Variants in PCDHGA8 observed in about 807,000 individuals in gnomAD.
PCDHGA8 encodes protocadherin gamma subfamily A, 8.
A neutral mutation model predicts 59.2 loss-of-function variants in PCDHGA8; 45 were observed. That is an observed-to-expected ratio of 0.76 (90% CI 0.60 to 0.98). The LOEUF is 0.98. Ranked by LOEUF, PCDHGA8 falls within the 50% of genes least tolerant of loss-of-function variation. PCDHGA8 has a pLI of 0.00. For missense variants in PCDHGA8, 1,257 were observed against 1,196.2 expected, an observed-to-expected ratio of 1.05 and a Z score of -0.75; for synonymous variants, 531 against 519.0, an observed-to-expected ratio of 1.02 and a Z score of -0.32.
chr5:141,510,239 C>T (rs2099880022), intron 3 of PCDHGA8, among the ~76,000 whole-genome samples: 1 of 150,434 alleles, frequency 6.6e-6, no homozygotes, highest in Non-Finnish European at 1.5e-5. Flanking sequence ...CGCCACTGCA[C>T]TCCAGGCTGG....
Position 141,421,056 on chromosome 5 carries a change from A to G in PCDHGA8, c.2424+25819A>G, listed in dbSNP as rs1378326708. On this transcript the variant is annotated intron_variant, in intron 1 of 3. Coordinates refer to ENST00000398604, the MANE Select transcript of PCDHGA8 (RefSeq NM_032088.2). ...TCCCTCCCTCCCCCGCCTCTACCACACAAAGCGGAATGAGATGGATACTCA... is the reference window on the plus strand; with the variant it reads ...TCCCTCCCTCCCCCGCCTCTACCACGCAAAGCGGAATGAGATGGATACTCA... 5 of 576,490 alleles carry G rather than the reference A, an allele frequency of 8.7e-6. No individual in the cohort carries two copies. In the East Asian group the frequency reaches 9.2e-5, roughly 11 times the overall value. The allele number at this position is 576,490 out of a possible 1,614,324, so 35.7% of individuals were successfully genotyped here. A position where few individuals can be genotyped will look rare whatever the true frequency, so the allele number is the denominator to read the frequency against.
At chr5:141,409,262 G>A (rs768196825) in intron 1 of PCDHGA8, 2 of 1,613,834 alleles carry the variant, frequency 1.2e-6, no homozygotes, top group African/African-American at 2.7e-5. Flanking sequence ...TTCTCTCTCT[G>A]ATCAGATTTT....
chr5:141,486,506 A>C lies in PCDHGA8; in HGVS notation c.2425-8301A>C. The C allele has an allele frequency of 6.2e-7, 1 of 1,614,134 alleles. No individual in the cohort carries two copies. The highest frequency in any genetic ancestry group is 8.5e-7 in the Non-Finnish European group (1 of 1,180,006). Reference sequence around the variant, plus strand: ...TACCCACAGAACTATTTTCCTCAATATTTCAGATGTGAATGATAATCCACC... The same window carrying C: ...TACCCACAGAACTATTTTCCTCAATCTTTCAGATGTGAATGATAATCCACC... On this transcript the variant is annotated intron_variant, in intron 1 of 3. Transcript: ENST00000398604. The surrounding 1 kb of genome is among the most constrained non-coding windows in gnomAD (Gnocchi z 5.0).
At position 141,408,409 on chromosome 5, in the gene PCDHGA8, C is replaced by G. The variant is rs780778580; in HGVS notation, c.2424+13172C>G. On this transcript the variant is annotated intron_variant, in intron 1 of 3. Coordinates refer to ENST00000398604, the MANE Select transcript of PCDHGA8 (RefSeq NM_032088.2). ...TGTCGGCTCGCAAGCTGCGAGTGAGCGCGGAGAAGCTGCACTTCAGCGTAG... is the reference window on the plus strand; with the variant it reads ...TGTCGGCTCGCAAGCTGCGAGTGAGGGCGGAGAAGCTGCACTTCAGCGTAG... 3.1e-6 allele frequency: 5 copies of G among 1,613,884 alleles called. No individual in the cohort carries two copies. In the East Asian group the frequency reaches 1.1e-4, roughly 36 times the overall value.
Position 141,487,421 on chromosome 5 carries a change from C to T in PCDHGA8, c.2425-7386C>T. ...GGGGCTTCCCCCTTCCAATGGGATC[C>T]TCCGAATCCAGCTAGGGTCAGATGA... On this transcript the variant is annotated intron_variant, in intron 1 of 3. Coordinates refer to ENST00000398604, the MANE Select transcript of PCDHGA8 (RefSeq NM_032088.2). This position sits in a 1 kb window ranked among gnomAD's most constrained non-coding sequence, Gnocchi z 5.0. The T allele has an allele frequency of 6.2e-7, 1 of 1,614,144 alleles. No homozygotes were observed. The highest frequency in any genetic ancestry group is 1.1e-5 in the South Asian group (1 of 91,082).
intron 1 of PCDHGA8, chr5:141,420,925 G>A: frequency 2.8e-6 from 1 of 355,536 alleles, no homozygotes; most frequent in Non-Finnish European, 5.1e-6. Context: ...TCACAAAGGT[G>A]AGCGTAATCA....
chr5:141,485,380 G>A lies in PCDHGA8; in HGVS notation c.2425-9427G>A. The A allele has an allele frequency of 1.9e-6, 3 of 1,614,146 alleles. No individual in the cohort carries two copies. The highest frequency in any genetic ancestry group is 2.5e-6 in the Non-Finnish European group (3 of 1,180,032). On this transcript the variant is annotated intron_variant, in intron 1 of 3. Coordinates refer to ENST00000398604, the MANE Select transcript of PCDHGA8 (RefSeq NM_032088.2). This position sits in a 1 kb window ranked among gnomAD's most constrained non-coding sequence, Gnocchi z 5.7. ...CTCGCAGGCTGCAGGTCGCTGGAGA[G>A]GTGAACCAAAGACACTTCCGTGTGG... is the stretch of plus-strand genomic sequence containing the variant.
chr5:141,450,826 A>ATTTTT (rs764729742), intron 1 of PCDHGA8, among the ~76,000 whole-genome samples: 2 of 134,302 alleles, frequency 1.5e-5, no homozygotes, highest in African/African-American at 2.9e-5. Flanking sequence ...TATTATTATT[A>ATTTTT]TTATTTTTTT....
At chr5:141,422,959 C>G in intron 1 of PCDHGA8, 1 of 1,614,234 alleles carries the variant, frequency 6.2e-7, no homozygotes, top group Non-Finnish European at 8.5e-7. Flanking sequence ...TGGCGTGGAG[C>G]TGGCGCCCCG....
intron 2 of PCDHGA8, among the ~76,000 whole-genome samples, chr5:141,499,234 A>G (rs1294400331): frequency 6.6e-6 from 1 of 152,008 alleles, no homozygotes; most frequent in Non-Finnish European, 1.5e-5. Flanking sequence ...AGCTGTCCCC[A>G]GCCTCTGCAC....
intron 1 of PCDHGA8, chr5:141,430,541 C>T: frequency 2.5e-6 from 1 of 392,344 alleles, no homozygotes; most frequent in Non-Finnish European, 4.5e-6. Flanking sequence ...ACTCTGAGCG[C>T]CGCTGTTCAC....
At chr5:141,412,273 C>T (rs1007252273) in intron 1 of PCDHGA8, 4 of 152,206 alleles carry the variant, frequency 2.6e-5, no homozygotes, top group Admixed American at 6.5e-5. Flanking sequence ...ACTTTTAGTA[C>T]TTCAAATTCT....
chr5:141,423,358 G>T (rs202010010), intron 1 of PCDHGA8: 1 of 1,614,196 alleles, frequency 6.2e-7, no homozygotes, highest in South Asian at 1.1e-5. Flanking sequence ...CTTTGTCATC[G>T]TGCTGCTGGC....
At chr5:141,442,005 C>G (rs1037210381) in intron 1 of PCDHGA8, 1 of 229,014 alleles carries the variant, frequency 4.4e-6, no homozygotes. Flanking sequence ...GCTGACAGCT[C>G]GCACGATGGG....
chr5:141,439,115 C>A (rs2098087976), intron 1 of PCDHGA8, among the ~76,000 whole-genome samples: 1 of 151,476 alleles, frequency 6.6e-6, no homozygotes, highest in Non-Finnish European at 1.5e-5. Context: ...ATCACTTGAA[C>A]CCGGGAGACA....
intron 1 of PCDHGA8, chr5:141,398,846 C>T (rs1589346275): frequency 3.7e-6 from 6 of 1,613,850 alleles, no homozygotes; most frequent in South Asian, 3.3e-5. Flanking sequence ...GATAATCCCC[C>T]GGTATTCAAC....
rs534816363 is a variant in PCDHGA8, at chr5:141,456,234, G to T, written c.2425-38573G>T. Among the ~76,000 whole-genome samples the T allele has an allele frequency of 2.2e-4, 33 of 152,224 alleles. 1 individual carries two copies. The South Asian group carries it at 6.9e-3, about 32-fold the overall frequency. On this transcript the variant is annotated intron_variant, in intron 1 of 3. Transcript: ENST00000398604. ...CTGTGGCGATATCAAACTAACTGCT[G>T]TTAGGAGGCTTTGGGCGACCATTGC...
chr5:141,489,944 T>C lies in PCDHGA8; in HGVS notation c.2425-4863T>C. On this transcript the variant is annotated intron_variant, in intron 1 of 3. Coordinates refer to ENST00000398604, the MANE Select transcript of PCDHGA8 (RefSeq NM_032088.2). The surrounding 1 kb of genome is among the most constrained non-coding windows in gnomAD (Gnocchi z 4.5). Reference sequence around the variant, plus strand: ...CTTATCTCTGTCATCGTGCTGGACATCAATGATAATGCTCCAACCTTCCAA... The same window carrying C: ...CTTATCTCTGTCATCGTGCTGGACACCAATGATAATGCTCCAACCTTCCAA... 6.2e-7 allele frequency: 1 copy of C among 1,614,172 alleles called. No homozygotes were observed. Among genetic ancestry groups the C allele is most frequent in the Non-Finnish European group, 8.5e-7 (1 of 1,180,010 alleles).
intron 1 of PCDHGA8, chr5:141,468,541 A>G (rs1407685120): frequency 6.6e-6 from 1 of 152,076 alleles, no homozygotes. Context: ...GTTTCCTGAC[A>G]TATTTAACAT....
Sources: gnomAD v4.1 joint callset for allele counts (sites outside exome capture counted in the v4.1 genomes callset) on GRCh38, gnomAD v4.1.1 for gene constraint, Gnocchi (gnomAD v3.1) non-coding constraint, MANE v1.5 for transcripts, NCBI Gene and HGNC (gene_info 2026-07-23, HGNC 2026-07-21) for gene names.